CFAP46: variants seen among roughly 807,000 people sequenced by gnomAD.
CFAP46 encodes cilia and flagella associated protein 46, also known as cilia- and flagella-associated protein 46.
Under a neutral mutation model 325.7 loss-of-function variants are expected in CFAP46, and 245 were observed. The observed-to-expected ratio is 0.75, with a 90% confidence interval of 0.68 to 0.84. CFAP46 has a LOEUF of 0.84. CFAP46 is among the 40% of genes least tolerant of loss of function. CFAP46 has a pLI of 0.00. For synonymous variants in CFAP46, 1,523 were observed against 1,495.9 expected, an observed-to-expected ratio of 1.02 and a Z score of -0.42; for missense variants, 3,346 against 3,543.0, an observed-to-expected ratio of 0.94 and a Z score of 1.41.
In CFAP46 at chr10:132,835,162, T is replaced by C. The variant is rs1848219339; in HGVS notation, c.6744+142A>G. 6.0e-6 allele frequency: 7 copies of C among 1,160,134 alleles called. No homozygotes were observed. The East Asian group carries it at 1.8e-4, about 30-fold the overall frequency. 71.9% of individuals were successfully genotyped at this position (1,160,134 alleles called of 1,614,324 possible). A position where few individuals can be genotyped will look rare whatever the true frequency, so the allele number is the denominator to read the frequency against. On this transcript the variant is annotated intron_variant, in intron 47 of 57. Coordinates refer to ENST00000368586, the MANE Select transcript of CFAP46 (RefSeq NM_001200049.3). The stretch of plus-strand genomic sequence containing the variant: ...GGAGCTTGGCCTGGGAGTTGGGCAG[T>C]GCCCGGGTGTTGGGATGGCCCAAGC...
In CFAP46 at chr10:132,881,897, C is replaced by T. The variant is rs181930516; in HGVS notation, c.3628-865G>A. 9.3e-3 allele frequency among the ~76,000 whole-genome samples: 1,410 copies of T among 152,360 alleles called. 12 individuals are homozygous for T. The highest frequency in any genetic ancestry group is 0.043 in the South Asian group (210 of 4,832). On this transcript the variant is annotated intron_variant, in intron 27 of 57. Coordinates refer to ENST00000368586, the MANE Select transcript of CFAP46 (RefSeq NM_001200049.3). ...ATCTGCTGGGGGTTCCCTCTGTGCT[C>T]GGCACTCACACTGCATCAGCTGTCA...
chr10:132,927,390 C>T (rs949256890), intron 9 of CFAP46, among the ~76,000 whole-genome samples: 41 of 151,626 alleles, frequency 2.7e-4, no homozygotes, highest in Admixed American at 2.4e-3. Context: ...AGCAGGTCCT[C>T]GGCGGCAGAC....
intron 50 of CFAP46, among the ~76,000 whole-genome samples, 181 bp from the exon 51 acceptor site, chr10:132,815,095 G>A (rs760230641): frequency 2.4e-4 from 37 of 152,114 alleles, no homozygotes; most frequent in Non-Finnish European, 4.6e-4. Flanking sequence ...GAAATGCAAA[G>A]GTTCACAGGG....
chr10:132,844,013 GCT>G (rs1848393086), intron 44 of CFAP46, among the ~76,000 whole-genome samples: 5 of 120,726 alleles, frequency 4.1e-5, no homozygotes, highest in South Asian at 3.5e-4. Flanking sequence ...GTGCTGTGGG[GCT>G]CTGGTCTCGG....
intron 21 of CFAP46, among the ~76,000 whole-genome samples, 153 bp downstream of exon 21, chr10:132,908,984 G>C (rs141800654): frequency 5.9e-5 from 9 of 152,206 alleles, no homozygotes; most frequent in Admixed American, 5.9e-4. Flanking sequence ...GAAGTGCGTC[G>C]AGGGGGCGCA....
chr10:132,834,908 C>A, intron 47 of CFAP46, 133 bp from the exon 48 acceptor site: 1 of 1,310,060 alleles, frequency 7.6e-7, no homozygotes, highest in South Asian at 1.5e-5. Context: ...GGGCACCTGG[C>A]TCGGCAACGA....
chr10:132,836,070 G>C, intron 46 of CFAP46, 72 bp downstream of exon 46: 1 of 975,622 alleles, frequency 1.0e-6, no homozygotes, highest in Non-Finnish European at 1.4e-6. Flanking sequence ...ACACAGCCCT[G>C]CTCACCTCCC....
chr10:132,899,685 T>C lies in CFAP46; in HGVS notation c.2925-19A>G, dbSNP rs1849368095. ...CTCCTCGCTGCAGGAACAGGGCCAG[T>C]GAGGAGGGAGGCCACTGTGGCCCAC... is the stretch of plus-strand genomic sequence containing the variant. On this transcript the variant is annotated intron_variant, in intron 22 of 57. Coordinates refer to ENST00000368586, the MANE Select transcript of CFAP46 (RefSeq NM_001200049.3). 6.5e-7 allele frequency: 1 copy of C among 1,541,928 alleles called. No individual in the cohort carries two copies. Among genetic ancestry groups the C allele is most frequent in the Admixed American group, 2.0e-5 (1 of 50,362 alleles).
rs1211825726 is a variant in CFAP46, at chr10:132,817,261, CTG to C, written c.7118-2349_7118-2348del. Among the ~76,000 whole-genome samples, 1 of 152,208 alleles carries C rather than the reference CTG, an allele frequency of 6.6e-6. No individual in the cohort carries two copies. Among genetic ancestry groups the C allele is most frequent in the African/African-American group, 2.4e-5 (1 of 41,442 alleles). ...TGCCTGGCTCTAAAGTCTGTTTCCTCTGAGAGTCAGACACCGGCCCTCCGGGT... is the reference window on the plus strand; with the variant it reads ...TGCCTGGCTCTAAAGTCTGTTTCCTCAGAGTCAGACACCGGCCCTCCGGGT... On this transcript the variant is annotated intron_variant, in intron 50 of 57. Coordinates refer to ENST00000368586, the MANE Select transcript of CFAP46 (RefSeq NM_001200049.3). The surrounding 1 kb of genome is among the most constrained non-coding windows in gnomAD (Gnocchi z 4.4).
intron 29 of CFAP46, among the ~76,000 whole-genome samples, chr10:132,878,929 G>A (rs1404967491): frequency 6.6e-6 from 1 of 152,214 alleles, no homozygotes; most frequent in Non-Finnish European, 1.5e-5. Flanking sequence ...GGGCTTTACA[G>A]GGAGAGGTGG....
chr10:132,863,269 C>A lies in CFAP46; in HGVS notation c.4891-2287G>T, dbSNP rs575305822. On this transcript the variant is annotated intron_variant, in intron 35 of 57. Transcript: ENST00000368586. The stretch of plus-strand genomic sequence containing the variant: ...CCTCCCGACCCCGGGGTGAGGGAGA[C>A]TGGGCCTCTGCCCACCTCGGAGGCT... 7.2e-5 allele frequency among the ~76,000 whole-genome samples: 11 copies of A among 152,276 alleles called. No homozygotes were observed. In the South Asian group the frequency reaches 2.3e-3, roughly 32 times the overall value.
intron 37 of CFAP46, among the ~76,000 whole-genome samples, chr10:132,859,482 C>T (rs971797317): frequency 3.3e-5 from 5 of 151,634 alleles, no homozygotes; most frequent in Non-Finnish European, 5.9e-5. Context: ...ATTCAAAAAC[C>T]CTCTCCTACT....
intron 7 of CFAP46, among the ~76,000 whole-genome samples, chr10:132,936,436 C>A (rs11818545): frequency 0.3 from 20,329 of 68,562 alleles, 4,039 homozygotes; most frequent in Admixed American, 0.4. Flanking sequence ...TCACTCCCCT[C>A]GGCATCCAAA....
intron 39 of CFAP46, among the ~76,000 whole-genome samples, chr10:132,856,284 G>A (rs1193789591): frequency 2.6e-5 from 4 of 152,188 alleles, no homozygotes; most frequent in African/African-American, 9.7e-5. Context: ...GTTTGGTTAT[G>A]GTGTGCCCTG....
intron 19 of CFAP46, among the ~76,000 whole-genome samples, chr10:132,910,980 G>C (rs1026956041): frequency 1.3e-5 from 2 of 152,190 alleles, no homozygotes; most frequent in Admixed American, 6.5e-5. Context: ...CCGTGTTCCC[G>C]GGCTGCCAAG....
At chr10:132,858,590 T>A (rs908487435) in intron 38 of CFAP46, among the ~76,000 whole-genome samples, 1 of 151,900 alleles carries the variant, frequency 6.6e-6, no homozygotes, top group African/African-American at 2.4e-5. Flanking sequence ...TGAGATGCCG[T>A]CTGCGGCCGC....
At chr10:132,821,678 G>A (rs1326126165) in intron 50 of CFAP46, among the ~76,000 whole-genome samples, 10 of 131,102 alleles carry the variant, frequency 7.6e-5, no homozygotes, top group Admixed American at 6.8e-4. Context: ...TGCTGTGTGT[G>A]CTGATGTGTG....
chr10:132,860,620 G>T, intron 36 of CFAP46, 97 bp from the exon 37 acceptor site: 1 of 1,176,818 alleles, frequency 8.5e-7, no homozygotes, highest in Non-Finnish European at 1.2e-6. Context: ...ACGGGCCTGA[G>T]GACAGGCGGG....
intron 31 of CFAP46, among the ~76,000 whole-genome samples, chr10:132,875,741 A>G (rs1408477983): frequency 6.6e-6 from 1 of 152,238 alleles, no homozygotes; most frequent in Non-Finnish European, 1.5e-5. Context: ...GCAAAACTAC[A>G]AAGGTGCAAA....
Sources: gnomAD v4.1 joint callset for allele counts (sites outside exome capture counted in the v4.1 genomes callset) on GRCh38, gnomAD v4.1.1 for gene constraint, Gnocchi (gnomAD v3.1) non-coding constraint, MANE v1.5 for transcripts, NCBI Gene and HGNC (gene_info 2026-07-23, HGNC 2026-07-21) for gene names.